The following LRRC1 variants were observed in gnomAD, a reference collection of about 807,000 sequenced individuals.
The protein encoded by LRRC1 is leucine rich repeat containing 1.
In LRRC1, 28 loss-of-function variants were observed where a neutral mutation model predicts 69.9. The ratio of observed to expected loss-of-function variants is 0.40; its 90% CI spans 0.30 to 0.55. LRRC1 has a LOEUF of 0.55. Ranked by LOEUF, LRRC1 falls within the 20% of genes least tolerant of loss-of-function variation. LRRC1 has a pLI of 0.47. For synonymous variants in LRRC1, 236 were observed against 240.2 expected (o/e 0.98, Z 0.16); for missense variants, 498 against 609.0 (o/e 0.82, Z 1.92).
intron 1 of LRRC1, among the ~76,000 whole-genome samples, chr6:53,839,532 G>A (rs3001009): frequency 0.85 from 129,149 of 152,102 alleles, 54,915 homozygotes; most frequent in East Asian, 0.96. Context: ...TCCCCACTCC[G>A]GTTTCTGGCT....
intron 7 of LRRC1, among the ~76,000 whole-genome samples, chr6:53,899,496 A>G (rs959674649): frequency 6.6e-6 from 1 of 152,100 alleles, no homozygotes; most frequent in African/African-American, 2.4e-5. Context: ...TTAAGTGGGA[A>G]TGATTCCTTG....
Position 53,829,693 on chromosome 6 carries a change from A to G in LRRC1, c.160-12417A>G, listed in dbSNP as rs77815087. ...GTAAAAAATTGGACTCTCAGCTAGGAGTAGGAACTTGGGGAAGTGGTAGCA... is the reference window on the plus strand; with the variant it reads ...GTAAAAAATTGGACTCTCAGCTAGGGGTAGGAACTTGGGGAAGTGGTAGCA... On this transcript the variant is annotated intron_variant, in intron 1 of 13. Coordinates refer to ENST00000370888, the MANE Select transcript of LRRC1 (RefSeq NM_018214.5). Among the ~76,000 whole-genome samples, 1,147 of 152,152 alleles carry G rather than the reference A, an allele frequency of 7.5e-3. 13 individuals are homozygous for G. The highest frequency in any genetic ancestry group is 0.025 in the African/African-American group (1,043 of 41,492).
intron 1 of LRRC1, among the ~76,000 whole-genome samples, chr6:53,829,582 A>G (rs554079887): frequency 1.3e-5 from 2 of 152,306 alleles, no homozygotes; most frequent in East Asian, 1.9e-4. Context: ...GTACCAGAAC[A>G]TGGTCTCTCC....
intron 2 of LRRC1, among the ~76,000 whole-genome samples, chr6:53,869,693 T>C (rs1404470749): frequency 6.6e-6 from 1 of 152,196 alleles, no homozygotes; most frequent in Non-Finnish European, 1.5e-5. Context: ...CACCATGGTC[T>C]CTCTTCCCAG....
At chr6:53,832,637 C>T (rs967921308) in intron 1 of LRRC1, among the ~76,000 whole-genome samples, 2 of 152,074 alleles carry the variant, frequency 1.3e-5, no homozygotes, top group African/African-American at 4.8e-5. Context: ...CAGATTATAT[C>T]CCCCTCTTTT....
At chr6:53,840,576 T>C (rs10948783) in intron 1 of LRRC1, among the ~76,000 whole-genome samples, 56,332 of 151,764 alleles carry the variant, frequency 0.37, 10,925 homozygotes, top group East Asian at 0.64. Context: ...TTGTAGTACC[T>C]TGTGAACCGG....
At chr6:53,870,228 C>T (rs1183542340) in intron 2 of LRRC1, among the ~76,000 whole-genome samples, 3 of 152,098 alleles carry the variant, frequency 2.0e-5, no homozygotes, top group African/African-American at 4.8e-5. Context: ...TTTCTTACAG[C>T]CACCATTCAT....
At chr6:53,812,418 C>T (rs139272475) in intron 1 of LRRC1, among the ~76,000 whole-genome samples, 242 of 151,722 alleles carry the variant, frequency 1.6e-3, no homozygotes, top group African/African-American at 5.5e-3. Flanking sequence ...AGGCCGGGCG[C>T]GGTGGCTCAC....
Position 53,919,627 on chromosome 6 carries a change from C to G in LRRC1, c.1236C>G (p.Thr412=). ...TDYTTGEKIL[T]CVLLPQLPSE... is the part of the protein sequence containing the mutation. ...ACACCACAGGAGAGAAGATTTTAAC[C>G]TGTGTCTTACTTCCTCAGCTGCCTT... Residue 412 remains threonine (T), a synonymous_variant, in exon 12 of 14, where the codon ACC becomes ACG. Coordinates refer to ENST00000370888, the MANE Select transcript of LRRC1 (RefSeq NM_018214.5). 2 of 1,613,904 alleles carry G rather than the reference C, an allele frequency of 1.2e-6. No individual in the cohort carries two copies. Among genetic ancestry groups the G allele is most frequent in the Non-Finnish European group, 1.7e-6 (2 of 1,179,924 alleles).
rs560239892 is a variant in LRRC1 at position 53,886,045 on chromosome 6, G to A, written c.446+3069G>A. Among the ~76,000 whole-genome samples the A allele has an allele frequency of 9.2e-5, 14 of 152,154 alleles. No individual in the cohort carries two copies. The East Asian group carries it at 2.5e-3, about 27-fold the overall frequency. On this transcript the variant is annotated intron_variant, in intron 4 of 13. Coordinates refer to ENST00000370888, the MANE Select transcript of LRRC1 (RefSeq NM_018214.5). The stretch of plus-strand genomic sequence containing the variant: ...AGTAGGTCCAAACATCTTAATAAGT[G>A]TTTATGTCCTAATAACCTAGTAGCT...
At chr6:53,867,973 T>TG (rs1766759924) in intron 2 of LRRC1, among the ~76,000 whole-genome samples, 1 of 151,586 alleles carries the variant, frequency 6.6e-6, no homozygotes, top group Admixed American at 6.6e-5. Flanking sequence ...AAAAAAAAAT[T>TG]TTTTTGTTTC....
chr6:53,894,248 C>T (rs986537810), intron 4 of LRRC1, among the ~76,000 whole-genome samples: 2 of 152,204 alleles, frequency 1.3e-5, no homozygotes, highest in Non-Finnish European at 2.9e-5. Flanking sequence ...GTCATGGTAG[C>T]ATCATCAACT....
chr6:53,842,480 T>A (rs1249349358), intron 2 of LRRC1, among the ~76,000 whole-genome samples: 1 of 152,164 alleles, frequency 6.6e-6, no homozygotes. Context: ...TTTGAATAGG[T>A]CAGTTAACTT....
intron 2 of LRRC1, among the ~76,000 whole-genome samples, chr6:53,856,525 A>G (rs1409339040): frequency 1.3e-5 from 2 of 152,206 alleles, no homozygotes; most frequent in East Asian, 1.9e-4. Context: ...GATAGAGACA[A>G]ATATCTGCAT....
At chr6:53,895,732 G>T (rs1387613184) in intron 4 of LRRC1, among the ~76,000 whole-genome samples, 4 of 152,162 alleles carry the variant, frequency 2.6e-5, no homozygotes, top group Non-Finnish European at 5.9e-5. Context: ...GTCAAGATTT[G>T]CCCCATCTGT....
intron 1 of LRRC1, among the ~76,000 whole-genome samples, chr6:53,809,244 A>G (rs1347527418): frequency 1.3e-5 from 2 of 152,252 alleles, no homozygotes; most frequent in African/African-American, 4.8e-5. Context: ...AAGAGGCTCT[A>G]ATGTGCTTTC....
At chr6:53,896,798 C>G in intron 5 of LRRC1, 31 bp from the exon 6 acceptor site, 6 of 1,404,134 alleles carry the variant, frequency 4.3e-6, no homozygotes, top group Non-Finnish European at 5.0e-6. Flanking sequence ...TAAGTATTCT[C>G]TAAGTGCTCT....
intron 2 of LRRC1, among the ~76,000 whole-genome samples, chr6:53,843,630 A>G (rs1765853480): frequency 6.6e-6 from 1 of 152,196 alleles, no homozygotes; most frequent in Non-Finnish European, 1.5e-5. Flanking sequence ...CAGGGAACCC[A>G]GATCTACTTA....
intron 13 of LRRC1, 63 bp from the exon 14 acceptor site, chr6:53,922,572 C>T: frequency 1.4e-6 from 2 of 1,424,976 alleles, no homozygotes; most frequent in Admixed American, 1.9e-5. Flanking sequence ...TGCCTTGAAG[C>T]TGCATGTTTT....
Sources: allele counts gnomAD v4.1 joint callset (sites outside exome capture counted in the v4.1 genomes callset), GRCh38; gene constraint gnomAD v4.1.1; transcripts MANE v1.5; gene names NCBI Gene and HGNC (gene_info 2026-07-23, HGNC 2026-07-21).